The following RBPJ variants were observed in gnomAD, a reference collection of about 807,000 sequenced individuals.
RBPJ encodes the protein recombination signal binding protein for immunoglobulin kappa J region, also known as recombining binding protein suppressor of hairless.
A neutral mutation model predicts 67.8 loss-of-function variants in RBPJ; 9 were observed. That is an observed-to-expected ratio of 0.13 (90% CI 0.08 to 0.23). The LOEUF is 0.23. Ranked by LOEUF, RBPJ falls within the 10% of genes least tolerant of loss-of-function variation. The pLI is 1.00. For synonymous variants in RBPJ, 198 were observed against 203.3 expected, an observed-to-expected ratio of 0.97 and a Z score of 0.22; for missense variants, 305 against 595.6, an observed-to-expected ratio of 0.51 and a Z score of 5.08.
At chr4:26,274,772 G>GA (rs1454577986) in intron 1 of RBPJ, among the ~76,000 whole-genome samples, 1 of 151,914 alleles carries the variant, frequency 6.6e-6, no homozygotes, top group Admixed American at 6.6e-5. Context: ...CTCGTCTATC[G>GA]AAAACACAAA....
chr4:26,332,496 T>C (rs1337735658), intron 1 of RBPJ, among the ~76,000 whole-genome samples: 2 of 152,234 alleles, frequency 1.3e-5, no homozygotes, highest in African/African-American at 4.8e-5. Context: ...GGCATTTATT[T>C]AATTTTTAGC....
At chr4:26,391,426 T>C (rs1220197381) in intron 2 of RBPJ, among the ~76,000 whole-genome samples, 2 of 152,112 alleles carry the variant, frequency 1.3e-5, no homozygotes, top group Non-Finnish European at 2.9e-5. Context: ...CAGTTGATTG[T>C]AGAACAATTG....
chr4:26,280,790 TAATA>T (rs1346642418), intron 1 of RBPJ, among the ~76,000 whole-genome samples: 2 of 152,300 alleles, frequency 1.3e-5, no homozygotes, highest in African/African-American at 4.8e-5. Flanking sequence ...TACTACATTT[TAATA>T]AATTGGAGAC....
intron 2 of RBPJ, among the ~76,000 whole-genome samples, chr4:26,404,155 T>C (rs887043968): frequency 6.6e-6 from 1 of 152,172 alleles, no homozygotes; most frequent in Non-Finnish European, 1.5e-5. Context: ...CATATGCTTG[T>C]TGGCCACTTT....
At chr4:26,363,871 C>G (rs1728335959) in intron 1 of RBPJ, among the ~76,000 whole-genome samples, 1 of 152,114 alleles carries the variant, frequency 6.6e-6, no homozygotes, top group African/African-American at 2.4e-5. Flanking sequence ...TTCTAGTCTT[C>G]GTAATACCTA....
the RBPJ span, chr4:26,113,331 G>A: frequency 1.9e-6 from 1 of 525,554 alleles, no homozygotes; most frequent in Non-Finnish European, 3.7e-6. Context: ...TACGAATGTG[G>A]TGAATGTGGG....
chr4:26,429,697 C>T (rs1736021958), intron 8 of RBPJ, among the ~76,000 whole-genome samples: 1 of 152,098 alleles, frequency 6.6e-6, no homozygotes, highest in Admixed American at 6.5e-5. Context: ...ATAAGAAAAA[C>T]TGCTGTCTAT....
intron 1 of RBPJ, among the ~76,000 whole-genome samples, chr4:26,277,294 A>G (rs1360894100): frequency 2.0e-5 from 3 of 151,420 alleles, no homozygotes; most frequent in Non-Finnish European, 4.4e-5. Flanking sequence ...AAAAAAGTCA[A>G]AAGTCAAAAA....
the RBPJ span, among the ~76,000 whole-genome samples, chr4:26,119,365 T>C: frequency 6.6e-6 from 1 of 152,180 alleles, no homozygotes; most frequent in Non-Finnish European, 1.5e-5. Context: ...CTTCATTGAG[T>C]AGATTGGAAA....
At chr4:26,297,054 G>A (rs1721897705) in intron 1 of RBPJ, among the ~76,000 whole-genome samples, 1 of 152,170 alleles carries the variant, frequency 6.6e-6, no homozygotes, top group Non-Finnish European at 1.5e-5. Flanking sequence ...CACCATTTTA[G>A]GAGGCCAAGG....
At chr4:26,194,081 G>T (rs1230033042) in intron 1 of RBPJ, among the ~76,000 whole-genome samples, 1 of 152,164 alleles carries the variant, frequency 6.6e-6, no homozygotes, top group Non-Finnish European at 1.5e-5. Flanking sequence ...CACCTGCAAA[G>T]ACACGGGTAA....
the RBPJ span, among the ~76,000 whole-genome samples, chr4:26,117,516 G>A: frequency 6.6e-6 from 1 of 152,046 alleles, no homozygotes; most frequent in Non-Finnish European, 1.5e-5. Context: ...GCACACACAT[G>A]CTGACCACCT....
chr4:26,416,546 A>G (rs1734610196), intron 4 of RBPJ, among the ~76,000 whole-genome samples: 2 of 152,170 alleles, frequency 1.3e-5, no homozygotes, highest in African/African-American at 4.8e-5. Context: ...TACTTTTAGT[A>G]TTGAAAGATA....
intron 1 of RBPJ, among the ~76,000 whole-genome samples, chr4:26,348,528 A>G (rs1726422215): frequency 6.6e-6 from 1 of 152,234 alleles, no homozygotes; most frequent in East Asian, 1.9e-4. Context: ...TGCTCTTATC[A>G]GTAAGTAGAA....
At chr4:26,304,956 C>G (rs1022653772) in intron 1 of RBPJ, among the ~76,000 whole-genome samples, 5 of 151,998 alleles carry the variant, frequency 3.3e-5, no homozygotes, top group Non-Finnish European at 7.4e-5. Flanking sequence ...ATACTGTCTT[C>G]TATGAGTTTT....
intron 1 of RBPJ, among the ~76,000 whole-genome samples, chr4:26,171,667 C>T (rs1716590697): frequency 6.6e-6 from 1 of 152,204 alleles, no homozygotes; most frequent in South Asian, 2.1e-4. Flanking sequence ...ACTGTCCACT[C>T]CTGGGTGACA....
At chr4:26,182,781 G>A (rs1006710676) in intron 1 of RBPJ, among the ~76,000 whole-genome samples, 2 of 152,008 alleles carry the variant, frequency 1.3e-5, no homozygotes, top group South Asian at 2.1e-4. Flanking sequence ...TTACCGGTGT[G>A]AGCCACCACC....
chr4:26,217,686 G>T (rs922274862), intron 1 of RBPJ, among the ~76,000 whole-genome samples: 4 of 152,092 alleles, frequency 2.6e-5, no homozygotes, highest in African/African-American at 9.7e-5. Context: ...GGGTGGAAAT[G>T]CTGCCCAGTT....
intron 1 of RBPJ, among the ~76,000 whole-genome samples, chr4:26,176,490 G>A (rs1020200934): frequency 6.6e-6 from 1 of 152,210 alleles, no homozygotes; most frequent in Non-Finnish European, 1.5e-5. Flanking sequence ...TGTTCAGAAT[G>A]TAGCTAATCA....
Sources: allele counts gnomAD v4.1 joint callset (sites outside exome capture counted in the v4.1 genomes callset), GRCh38; gene constraint gnomAD v4.1.1; transcripts MANE v1.5; gene names NCBI Gene and HGNC (gene_info 2026-07-23, HGNC 2026-07-21).